Variants in ELAVL2 observed in about 807,000 individuals in gnomAD.
ELAVL2 encodes ELAV like RNA binding protein 2.
ELAVL2 carries 4 observed loss-of-function variants against 34.6 expected under a neutral mutation model. The ratio of observed to expected loss-of-function variants is 0.12; its 90% CI spans 0.06 to 0.26. The LOEUF (loss-of-function observed/expected upper bound fraction) is 0.26, where lower values mean the gene tolerates loss of function less well. ELAVL2 is among the 10% of genes least tolerant of loss of function. ELAVL2 has a pLI of 1.00. For missense variants in ELAVL2, 432 were observed against 442.8 expected, an observed-to-expected ratio of 0.98 and a Z score of 0.22; for synonymous variants, 193 against 154.8, an observed-to-expected ratio of 1.25 and a Z score of -1.83.
chr9:23,733,471 G>A (rs1264041386), intron 2 of ELAVL2, among the ~76,000 whole-genome samples: 2 of 152,194 alleles, frequency 1.3e-5, no homozygotes, highest in Non-Finnish European at 2.9e-5. Flanking sequence ...TGAGAACCTA[G>A]CTGGGGCTAC....
chr9:23,833,370 T>C, the ELAVL2 span, among the ~76,000 whole-genome samples: 159 of 152,004 alleles, frequency 1.0e-3, no homozygotes, highest in Middle Eastern at 0.011. Flanking sequence ...ATTTTTATTT[T>C]TTTCTTAATC....
chr9:23,729,582 T>C (rs2046059635), intron 3 of ELAVL2, among the ~76,000 whole-genome samples: 1 of 152,248 alleles, frequency 6.6e-6, no homozygotes, highest in East Asian at 1.9e-4. Context: ...CATTTTTCCC[T>C]TCACATTTTG....
At chr9:23,759,754 T>TCATATATATA (rs1554719969) in intron 2 of ELAVL2, among the ~76,000 whole-genome samples, 1 of 81,344 alleles carries the variant, frequency 1.2e-5, no homozygotes, top group Non-Finnish European at 2.5e-5. Flanking sequence ...ATATATAGTA[T>TCATATATATA]TATATATATA....
At chr9:23,747,521 G>C (rs1407396406) in intron 2 of ELAVL2, among the ~76,000 whole-genome samples, 1 of 152,070 alleles carries the variant, frequency 6.6e-6, no homozygotes, top group Middle Eastern at 3.2e-3. Flanking sequence ...CCAAAGCTCA[G>C]ACAAAGACTA....
At chr9:23,799,695 C>A (rs1368886545) in intron 1 of ELAVL2, among the ~76,000 whole-genome samples, 1 of 152,124 alleles carries the variant, frequency 6.6e-6, no homozygotes, top group Non-Finnish European at 1.5e-5. Flanking sequence ...TATTGAGAGC[C>A]CCTAATTGCC....
At chr9:23,700,012 A>AT (rs1000049800) in intron 5 of ELAVL2, among the ~76,000 whole-genome samples, 4 of 151,816 alleles carry the variant, frequency 2.6e-5, no homozygotes, top group Non-Finnish European at 5.9e-5. Flanking sequence ...ATAATTTAGT[A>AT]TTTTTTTAAA....
intron 1 of ELAVL2, among the ~76,000 whole-genome samples, chr9:23,770,972 G>C (rs1033942116): frequency 6.6e-6 from 1 of 152,188 alleles, no homozygotes; most frequent in Admixed American, 6.5e-5. Context: ...AAGAGGTAAT[G>C]AGGCCGGAAC....
At chr9:23,709,912 T>C (rs1298525568) in intron 3 of ELAVL2, among the ~76,000 whole-genome samples, 3 of 152,126 alleles carry the variant, frequency 2.0e-5, no homozygotes, top group South Asian at 2.1e-4. Context: ...ACTCCAAAGA[T>C]AGCAATTTAA....
chr9:23,810,136 A>T (rs2062786268), intron 1 of ELAVL2, among the ~76,000 whole-genome samples: 1 of 152,108 alleles, frequency 6.6e-6, no homozygotes, highest in African/African-American at 2.4e-5. Context: ...TCTTGATTTT[A>T]ACAGCATCCT....
chr9:23,744,670 T>A (rs1370822497), intron 2 of ELAVL2, among the ~76,000 whole-genome samples: 1 of 152,012 alleles, frequency 6.6e-6, no homozygotes, highest in Admixed American at 6.6e-5. Flanking sequence ...AGAAAACATA[T>A]ATATACTGAA....
intron 5 of ELAVL2, among the ~76,000 whole-genome samples, chr9:23,699,072 G>C (rs2036257196): frequency 6.6e-6 from 1 of 152,170 alleles, no homozygotes; most frequent in Non-Finnish European, 1.5e-5. Context: ...TTCTATAGGA[G>C]TGAAGGAAAA....
chr9:23,754,581 T>C (rs1305701407), intron 2 of ELAVL2, among the ~76,000 whole-genome samples: 2 of 151,952 alleles, frequency 1.3e-5, no homozygotes, highest in Non-Finnish European at 2.9e-5. Flanking sequence ...ACCTCAGCCT[T>C]GTGAGTACCT....
At chr9:23,779,339 G>A (rs753268952) in intron 1 of ELAVL2, 87 of 985,216 alleles carry the variant, frequency 8.8e-5, no homozygotes, top group Non-Finnish European at 1.0e-4. Context: ...GCAATTCCAG[G>A]GCCTGCAGAA....
intron 1 of ELAVL2, among the ~76,000 whole-genome samples, chr9:23,781,739 C>A (rs10966078): frequency 0.041 from 6,294 of 152,108 alleles, 175 homozygotes; most frequent in East Asian, 0.1. Context: ...GCAACCCAGG[C>A]TGGAGTGCAG....
chr9:23,848,755 C>T, the ELAVL2 span, among the ~76,000 whole-genome samples: 1 of 152,090 alleles, frequency 6.6e-6, no homozygotes, highest in Non-Finnish European at 1.5e-5. Context: ...TAGGCACATG[C>T]AATTATATCT....
At chr9:23,771,273 T>C (rs189278946) in intron 1 of ELAVL2, among the ~76,000 whole-genome samples, 23 of 152,232 alleles carry the variant, frequency 1.5e-4, no homozygotes, top group Admixed American at 1.2e-3. Flanking sequence ...TTGAAATCCA[T>C]TGTCAAAAAA....
At chr9:23,738,878 G>A (rs1360856762) in intron 2 of ELAVL2, among the ~76,000 whole-genome samples, 1 of 152,108 alleles carries the variant, frequency 6.6e-6, no homozygotes, top group African/African-American at 2.4e-5. Context: ...CCCTGATTAT[G>A]CAACTGGTAG....
chr9:23,704,203 A>G (rs2038523457), intron 4 of ELAVL2, among the ~76,000 whole-genome samples: 2 of 150,496 alleles, frequency 1.3e-5, no homozygotes, highest in Non-Finnish European at 3.0e-5. Context: ...AAGTGCTTGG[A>G]TTATAGGCAT....
intron 2 of ELAVL2, among the ~76,000 whole-genome samples, chr9:23,751,911 C>T (rs375901698): frequency 2.0e-5 from 3 of 152,174 alleles, no homozygotes; most frequent in Non-Finnish European, 4.4e-5. Context: ...TCTGGGCTCC[C>T]AAGTCCTGCC....
Sources: allele counts gnomAD v4.1 joint callset (sites outside exome capture counted in the v4.1 genomes callset), GRCh38; gene constraint gnomAD v4.1.1; transcripts MANE v1.5; gene names NCBI Gene and HGNC (gene_info 2026-07-23, HGNC 2026-07-21).